Variants in THBS1 observed in about 807,000 individuals in gnomAD.
THBS1 encodes thrombospondin 1.
Under a neutral mutation model 126.1 loss-of-function variants are expected in THBS1, and 29 were observed. The observed-to-expected ratio is 0.23, with a 90% CI of 0.17 to 0.31. THBS1 has a LOEUF of 0.31. Ranked by LOEUF, THBS1 falls within the 10% of genes least tolerant of loss-of-function variation. The pLI, the probability that THBS1 is intolerant of heterozygous loss-of-function variation, is 1.00. For missense variants in THBS1, 1,198 were observed against 1,545.2 expected (o/e 0.78, Z 3.77); for synonymous variants, 496 against 577.8 (o/e 0.86, Z 2.03).
chr15:39,584,055 C>T lies in THBS1; in HGVS notation c.771C>T (p.Asn257=), dbSNP rs138951821. The part of the protein sequence containing the change: ...VNGSSPAIRT[N]YIGHKTKDLQ... Reference sequence around the variant, plus strand: ...GTTCCAGCCCTGCCATCCGCACTAACTACATTGGCCACAAGACAAAGGACT... The same window carrying T: ...GTTCCAGCCCTGCCATCCGCACTAATTACATTGGCCACAAGACAAAGGACT... Residue 257 remains asparagine, a synonymous_variant, in exon 5 of 22, where the codon AAC becomes AAT. Transcript: ENST00000260356. 4.3e-6 allele frequency: 7 copies of T among 1,614,124 alleles called. No homozygotes were observed. Among genetic ancestry groups the T allele is most frequent in the Middle Eastern group, 3.3e-4 (2 of 6,084 alleles).
rs1890197127 is a variant in THBS1, at chr15:39,585,703, AACTG to A, written c.1120+143_1120+146del. 8 of 798,196 alleles carry A rather than the reference AACTG, an allele frequency of 1.0e-5. No homozygotes were observed. The East Asian group carries it at 2.2e-4, about 21-fold the overall frequency. 49.4% of individuals were successfully genotyped at this position (798,196 alleles called of 1,614,324 possible). A position where few individuals can be genotyped will look rare whatever the true frequency, so the allele number is the denominator to read the frequency against. On this transcript the variant is annotated intron_variant, in intron 7 of 21. Coordinates refer to ENST00000260356, the MANE Select transcript of THBS1 (RefSeq NM_003246.4). ...CAGTTTCTTGCTGCAGCAGCTGGTT[AACTG>A]ACAGCTTATCTGCTGTACAGAGCCA...
intron 3 of THBS1, 49 bp from the exon 4 acceptor site, chr15:39,583,568 C>T: frequency 1.5e-6 from 1 of 671,302 alleles, no homozygotes; most frequent in Non-Finnish European, 2.7e-6. Context: ...CCAACCCCAT[C>T]CCCACCCCGC....
Position 39,589,418 on chromosome 15 carries a change from A to C in THBS1, c.1926+64A>C. Reference sequence around the variant, plus strand: ...GCTGTCCTTGACCAAAATAACTGGGAGCGGGAGGAATGTAATTTCATACCC... The same window carrying C: ...GCTGTCCTTGACCAAAATAACTGGGCGCGGGAGGAATGTAATTTCATACCC... On this transcript the variant is annotated intron_variant, in intron 12 of 21. Coordinates refer to ENST00000260356, the MANE Select transcript of THBS1 (RefSeq NM_003246.4). The surrounding 1 kb of genome is among the most constrained non-coding windows in gnomAD (Gnocchi z 4.7). The C allele has an allele frequency of 6.3e-7, 1 of 1,581,178 alleles. No homozygotes were observed. Among genetic ancestry groups the C allele is most frequent in the Non-Finnish European group, 8.6e-7 (1 of 1,161,816 alleles).
chr15:39,590,972 C>G, intron 14 of THBS1: 1 of 580,164 alleles, frequency 1.7e-6, no homozygotes, highest in Non-Finnish European at 3.0e-6. Context: ...GGATTATATT[C>G]TACATCTCAC....
chr15:39,583,875 C>T, intron 4 of THBS1, 113 bp from the exon 5 acceptor site: 1 of 1,360,420 alleles, frequency 7.4e-7, no homozygotes, highest in Non-Finnish European at 1.0e-6. Context: ...CGCATACACG[C>T]AACCCCTCTA....
Position 39,595,945 on chromosome 15 carries a change from C to A in THBS1, c.*576C>A. On this transcript the variant is annotated 3_prime_UTR_variant, in exon 22 of 22. Coordinates refer to ENST00000260356, the MANE Select transcript of THBS1 (RefSeq NM_003246.4). ...AAGACTATTGCTGGATTTCATGATG[C>A]TGACTGGCGTTAGCTGATTAACCCA... 1 of 443,370 alleles carries A rather than the reference C, an allele frequency of 2.3e-6. No individual in the cohort carries two copies. Among genetic ancestry groups the A allele is most frequent in the Admixed American group, 2.4e-5 (1 of 42,120 alleles). 27.5% of individuals were successfully genotyped at this position (443,370 alleles called of 1,614,324 possible).
At chr15:39,591,100 TCA>T (rs1165718007) in intron 14 of THBS1, 89 bp from the exon 15 acceptor site, 2 of 1,422,136 alleles carry the variant, frequency 1.4e-6, no homozygotes, top group African/African-American at 2.8e-5. Context: ...TTGCTGATTT[TCA>T]CAGTTTTAGA....
chr15:39,583,380 G>A (rs1890148090), intron 3 of THBS1, among the ~76,000 whole-genome samples: 1 of 152,146 alleles, frequency 6.6e-6, no homozygotes, highest in South Asian at 2.1e-4. Flanking sequence ...TACCCAAGTA[G>A]GCTGATAACT....
Position 39,593,889 on chromosome 15 carries a change from A to G in THBS1, c.3268-210A>G. ...CCTAAGGTGCCTTCAGCCTTTTCAA[A>G]CAAAAAAACCTCCTTCCCTCCTCTC... On this transcript the variant is annotated intron_variant, in intron 19 of 21. Transcript: ENST00000260356. The surrounding 1 kb of genome is among the most constrained non-coding windows in gnomAD (Gnocchi z 5.9). 1 of 906,640 alleles carries G rather than the reference A, an allele frequency of 1.1e-6. No homozygotes were observed. Among genetic ancestry groups the G allele is most frequent in the Non-Finnish European group, 1.6e-6 (1 of 616,136 alleles). The allele number at this position is 906,640 out of a possible 1,614,324, so 56.2% of individuals were successfully genotyped here.
At chr15:39,595,338 T>C in intron 21 of THBS1, 24 bp from the exon 22 acceptor site, 1 of 1,376,304 alleles carries the variant, frequency 7.3e-7, no homozygotes, top group East Asian at 2.5e-5. Flanking sequence ...TTTGTATATT[T>C]ATTTATATTT....
chr15:39,595,315 GA>G (rs955520303), intron 21 of THBS1, 46 bp from the exon 22 acceptor site: 4 of 1,230,296 alleles, frequency 3.3e-6, no homozygotes, highest in Non-Finnish European at 4.3e-6. Context: ...ATGCTTTTAT[GA>G]ATTAGTTTTC....
chr15:39,585,414 C>G, intron 6 of THBS1, 56 bp from the exon 7 acceptor site: 1 of 1,510,134 alleles, frequency 6.6e-7, no homozygotes, highest in Non-Finnish European at 9.2e-7. Flanking sequence ...AGGATGTAGA[C>G]TTCTGTATGC....
chr15:39,584,109 T>C lies in THBS1; in HGVS notation c.825T>C (p.Asp275=). The change falls in exon 5 of 22, where the codon GAT becomes GAC. Residue 275 remains aspartate, a synonymous_variant. Transcript: ENST00000260356. The part of the protein sequence containing the change: ...DLQAICGISC[D]ELSSMVLELR... Reference sequence around the variant, plus strand: ...AAGCCATCTGCGGCATCTCCTGTGATGAGCTGTCCAGCATGGTCCTGGAAC... The same window carrying C: ...AAGCCATCTGCGGCATCTCCTGTGACGAGCTGTCCAGCATGGTCCTGGAAC... 2 of 1,614,240 alleles carry C rather than the reference T, an allele frequency of 1.2e-6. No homozygotes were observed. The highest frequency in any genetic ancestry group is 1.7e-6 in the Non-Finnish European group (2 of 1,180,046).
rs1890475606 is a variant in THBS1, at chr15:39,597,275, G to GTTTTGTTTTTTTTTTTTTTTTTTTTTTT, written c.*1932_*1933insTTTTTTGTTTTTTTTTTTTTTTTTTTTT. ...GAATTGTTGGTTTTTTCTTTTTTTT[G>GTTTTGTTTTTTTTTTTTTTTTTTTTTTT]TTTTGTTTTTTTTTTTTTTTTTTTT... On this transcript the variant is annotated 3_prime_UTR_variant, in exon 22 of 22. Transcript: ENST00000260356. 1.9e-5 allele frequency: 1 copy of GTTTTGTTTTTTTTTTTTTTTTTTTTTTT among 52,594 alleles called. No homozygotes were observed. Among genetic ancestry groups the GTTTTGTTTTTTTTTTTTTTTTTTTTTTT allele is most frequent in the Non-Finnish European group, 4.0e-5 (1 of 24,780 alleles). 3.3% of individuals were successfully genotyped at this position (52,594 alleles called of 1,614,324 possible). A position where few individuals can be genotyped will look rare whatever the true frequency, so the allele number is the denominator to read the frequency against.
chr15:39,582,816 G>C (rs1595506398), intron 3 of THBS1, 64 bp downstream of exon 3: 1 of 1,506,050 alleles, frequency 6.6e-7, no homozygotes, highest in East Asian at 2.3e-5. Flanking sequence ...CCTGCCAGGA[G>C]GGCTACAGGA....
At chr15:39,587,565 T>C (rs756110639) in intron 8 of THBS1, 45 bp downstream of exon 8, 102 of 1,554,288 alleles carry the variant, frequency 6.6e-5, no homozygotes, top group Non-Finnish European at 8.9e-5. Context: ...TGACCTGTCC[T>C]TGTTGTCGTC....
intron 3 of THBS1, 36 bp from the exon 4 acceptor site, chr15:39,583,581 T>C: frequency 9.8e-7 from 1 of 1,021,654 alleles, no homozygotes; most frequent in Non-Finnish European, 1.4e-6. Context: ...CACCCCGCTC[T>C]GCATTCTACA....
In THBS1 at chr15:39,588,549, T is replaced by A. The variant is rs1890256235; in HGVS notation, c.1495T>A (p.Ser499Thr). Residue 499 changes from serine (S) to threonine (T), a missense_variant, in exon 10 of 22, where the codon TCA (serine) becomes ACA (threonine). By Grantham distance (58) the Ser-to-Thr change is moderately conservative. Around this residue, in one of 4 missense-constraint regions of THBS1, gnomAD observed 663 missense variants for 860.1 expected, o/e 0.77. Coordinates refer to ENST00000260356, the MANE Select transcript of THBS1 (RefSeq NM_003246.4). ...AGTCAATGGAGGCTGGGGTCCTTGG[T>A]CACCATGGGACATCTGTTCTGTCAC... Reference protein sequence around the residue: ...CPINGGWGPWSPWDICSVTCG... With the variant: ...CPINGGWGPWTPWDICSVTCG... 10 of 1,563,096 alleles carry A rather than the reference T, an allele frequency of 6.4e-6. No individual in the cohort carries two copies. Among genetic ancestry groups the A allele is most frequent in the Non-Finnish European group, 8.6e-6 (10 of 1,159,760 alleles).
intron 16 of THBS1, 144 bp downstream of exon 16, chr15:39,591,767 A>T: frequency 1.3e-6 from 1 of 758,758 alleles, no homozygotes; most frequent in Non-Finnish European, 2.3e-6. Flanking sequence ...GAATACGTTC[A>T]TGTAAATAAT....
Sources: gnomAD v4.1 joint callset for allele counts (sites outside exome capture counted in the v4.1 genomes callset) on GRCh38, gnomAD v4.1.1 for gene constraint, gnomAD v4.1.1 regional missense constraint, Gnocchi (gnomAD v3.1) non-coding constraint, MANE v1.5 for transcripts, NCBI Gene and HGNC (gene_info 2026-07-23, HGNC 2026-07-21) for gene names.